Variants in EPCAM observed in about 807,000 individuals in gnomAD.
The protein encoded by EPCAM is adenocarcinoma-associated antigen.
A neutral mutation model predicts 40.0 loss-of-function variants in EPCAM; 39 were observed. That is an observed-to-expected ratio of 0.98 (90% CI 0.76 to 1.27). The LOEUF (loss-of-function observed/expected upper bound fraction) is 1.27. Ranked by LOEUF, EPCAM falls within the 50% of genes most tolerant of loss-of-function variation. The pLI, the probability that EPCAM is intolerant of heterozygous loss-of-function variation, is 0.00. For missense variants in EPCAM, 503 were observed against 381.2 expected (o/e 1.32, Z -2.66); for synonymous variants, 168 against 132.3 (o/e 1.27, Z -1.85).
At chr2:47,383,469 A>T (rs1225525283) in intron 7 of EPCAM, 4 of 151,286 alleles carry the variant, frequency 2.6e-5, no homozygotes, top group African/African-American at 9.7e-5. Context: ...ATGTCCAGCT[A>T]ATTTTTGTAT....
chr2:47,386,551 C>G (rs1276656675), intron 8 of EPCAM, 21 bp from the exon 9 acceptor site: 4 of 1,577,056 alleles, frequency 2.5e-6, no homozygotes, highest in Non-Finnish European at 3.5e-6. Context: ...GAATTTTTTT[C>G]TGTGCTTTTT....
chr2:47,386,091 A>T (rs938290584), intron 8 of EPCAM, among the ~76,000 whole-genome samples: 4 of 152,210 alleles, frequency 2.6e-5, no homozygotes, highest in African/African-American at 7.2e-5. Context: ...AAACATAATC[A>T]GTGTAAAGTG....
intron 6 of EPCAM, 145 bp downstream of exon 6, chr2:47,379,199 C>G (rs548487828): frequency 1.5e-6 from 1 of 657,060 alleles, no homozygotes; most frequent in African/African-American, 1.8e-5. Flanking sequence ...CCCTGTCACT[C>G]ACATGCATCT....
chr2:47,382,870 GTGA>G (rs1490468425), intron 7 of EPCAM, among the ~76,000 whole-genome samples: 1 of 152,166 alleles, frequency 6.6e-6, no homozygotes, highest in African/African-American at 2.4e-5. Context: ...TGCACAGGTG[GTGA>G]TGATACTGCA....
intron 3 of EPCAM, among the ~76,000 whole-genome samples, chr2:47,374,447 T>A (rs1671369201): frequency 6.6e-6 from 1 of 152,144 alleles, no homozygotes; most frequent in Non-Finnish European, 1.5e-5. Context: ...TATGCTTGTT[T>A]TAGGGATTGT....
chr2:47,380,781 C>T (rs540692611), intron 7 of EPCAM, among the ~76,000 whole-genome samples: 7 of 152,224 alleles, frequency 4.6e-5, no homozygotes, highest in East Asian at 1.9e-4. Flanking sequence ...AAGGATGCTT[C>T]GGTATCAAGA....
At chr2:47,371,116 A>G (rs1038200175) in intron 1 of EPCAM, among the ~76,000 whole-genome samples, 1 of 152,222 alleles carries the variant, frequency 6.6e-6, no homozygotes, top group Non-Finnish European at 1.5e-5. Flanking sequence ...GAGTGCTGGG[A>G]TTACAGGCGT....
intron 4 of EPCAM, among the ~76,000 whole-genome samples, chr2:47,376,397 C>T (rs2103752105): frequency 6.6e-6 from 1 of 152,040 alleles, no homozygotes; most frequent in South Asian, 2.1e-4. Flanking sequence ...GCTGGGATTA[C>T]AGGCGTGCGC....
intron 8 of EPCAM, 38 bp downstream of exon 8, chr2:47,385,248 G>C (rs2103768744): frequency 6.5e-7 from 1 of 1,528,944 alleles, no homozygotes; most frequent in Non-Finnish European, 9.1e-7. Flanking sequence ...AGGCCCTGTT[G>C]AATCTCTTAC....
chr2:47,379,159 A>C, intron 6 of EPCAM, 105 bp downstream of exon 6: 1 of 731,674 alleles, frequency 1.4e-6, no homozygotes, highest in Non-Finnish European at 2.5e-6. Flanking sequence ...GATCAACCAA[A>C]TGGTTCGCTG....
chr2:47,376,224 C>G (rs1313467998), intron 4 of EPCAM, among the ~76,000 whole-genome samples: 1 of 149,720 alleles, frequency 6.7e-6, no homozygotes, highest in Non-Finnish European at 1.5e-5. Context: ...TATAATGTCC[C>G]TCAAATTTTG....
chr2:47,385,354 A>G (rs1457760884), intron 8 of EPCAM, 144 bp downstream of exon 8: 1 of 723,044 alleles, frequency 1.4e-6, no homozygotes, highest in Non-Finnish European at 2.5e-6. Context: ...CAGTCTTAGA[A>G]TGTACTCTTA....
intron 2 of EPCAM, 75 bp downstream of exon 2, chr2:47,373,645 G>T (rs2103746328): frequency 6.9e-7 from 1 of 1,443,650 alleles, no homozygotes; most frequent in Admixed American, 1.8e-5. Context: ...CCTTGAGTTG[G>T]AAAGAGTTTT....
Position 47,374,037 on chromosome 2 carries a change from A to G in EPCAM, c.414A>G (p.Arg138=), listed in dbSNP as rs2103748026. 3 of 1,614,204 alleles carry G rather than the reference A, an allele frequency of 1.9e-6. No homozygotes were observed. The highest frequency in any genetic ancestry group is 2.5e-6 in the Non-Finnish European group (3 of 1,180,036). ...DKDTEITCSE[R]VRTYWIIIEL... is the part of the protein sequence containing the mutation. ...ACACTGAAATAACCTGCTCTGAGCG[A>G]GTGAGAACCTAGTGAGTGGGGCTGC... is the stretch of plus-strand genomic sequence containing the variant. The change falls in exon 3 of 9, where the codon CGA becomes CGG. Residue 138 remains arginine, a synonymous_variant. Coordinates refer to ENST00000263735, the MANE Select transcript of EPCAM (RefSeq NM_002354.3).
chr2:47,385,212 T>C lies in EPCAM; in HGVS notation c.903+2T>C. The C allele has an allele frequency of 6.2e-7, 1 of 1,611,242 alleles. No individual in the cohort carries two copies. Among genetic ancestry groups the C allele is most frequent in the Non-Finnish European group, 8.5e-7 (1 of 1,177,538 alleles). On this transcript the variant is annotated splice_donor_variant, in intron 8 of 8. Transcript: ENST00000263735. LOFTEE classifies it high-confidence loss of function. ...ATGGCAAAGTATGAGAAGGCTGAGGTAAATGGATTACTTACCTAAATAGAA... is the reference window on the plus strand; with the variant it reads ...ATGGCAAAGTATGAGAAGGCTGAGGCAAATGGATTACTTACCTAAATAGAA...
At chr2:47,385,008 A>C (rs574332911) in intron 7 of EPCAM, among the ~76,000 whole-genome samples, 158 bp from the exon 8 acceptor site, 1 of 152,210 alleles carries the variant, frequency 6.6e-6, no homozygotes, top group Non-Finnish European at 1.5e-5. Context: ...CACTGGTGTG[A>C]AATTTTTAAT....
chr2:47,373,728 G>T (rs1671345853), intron 2 of EPCAM, 80 bp from the exon 3 acceptor site: 3 of 1,582,354 alleles, frequency 1.9e-6, no homozygotes, highest in South Asian at 2.2e-5. Context: ...TTTGACCCTG[G>T]AACTTTAGAG....
intron 1 of EPCAM, among the ~76,000 whole-genome samples, chr2:47,371,269 C>CT (rs915706066): frequency 5.9e-5 from 9 of 151,942 alleles, no homozygotes; most frequent in East Asian, 1.9e-4. Context: ...CTCTCTCTCT[C>CT]TTTTTTTTGG....
At chr2:47,381,003 T>G (rs1573401530) in intron 7 of EPCAM, among the ~76,000 whole-genome samples, 1 of 140,972 alleles carries the variant, frequency 7.1e-6, no homozygotes, top group African/African-American at 2.7e-5. Context: ...GGAGAATAGC[T>G]TGAACCTGGG....
Sources: allele counts gnomAD v4.1 joint callset (sites outside exome capture counted in the v4.1 genomes callset), GRCh38; gene constraint gnomAD v4.1.1; transcripts MANE v1.5; gene names NCBI Gene and HGNC (gene_info 2026-07-23, HGNC 2026-07-21).